Variants in ZC3H13 observed in about 807,000 individuals in gnomAD.
The protein encoded by ZC3H13 is zinc finger CCCH-type containing 13.
A neutral mutation model predicts 204.1 loss-of-function variants in ZC3H13; 64 were observed. The ratio of observed to expected loss-of-function variants is 0.31; its 90% CI spans 0.26 to 0.39. The LOEUF is 0.39. ZC3H13 is among the 10% of genes least tolerant of loss of function. The pLI is 1.00. For synonymous variants in ZC3H13, 667 were observed against 693.7 expected, an observed-to-expected ratio of 0.96 and a Z score of 0.60; for missense variants, 1,833 against 2,082.7, an observed-to-expected ratio of 0.88 and a Z score of 2.33.
rs148720994 is a variant in ZC3H13, at chr13:45,967,892, G to C, written c.3933C>G (p.Arg1311=). 3.1e-6 allele frequency: 5 copies of C among 1,613,332 alleles called. No homozygotes were observed. Among genetic ancestry groups the C allele is most frequent in the Non-Finnish European group, 3.4e-6 (4 of 1,179,832 alleles). The change falls in exon 15 of 19, where the codon CGC becomes CGG. Residue 1311 remains arginine, a synonymous_variant. Coordinates refer to ENST00000679008, the MANE Select transcript of ZC3H13 (RefSeq NM_001330564.2). ...GCCTCGTATCTCTCCTCTCTCTCTC[G>C]CGCTCTCTGTCGTGTTCATATCGAT... The part of the protein sequence containing the change: ...ERDRYEHDRE[R]ERERRDTRQR...
chr13:46,021,908 A>G (rs1293136139), intron 4 of ZC3H13, among the ~76,000 whole-genome samples: 2 of 151,992 alleles, frequency 1.3e-5, no homozygotes, highest in Non-Finnish European at 2.9e-5. Flanking sequence ...ATTACTGAAT[A>G]ACTATACCAA....
intron 4 of ZC3H13, among the ~76,000 whole-genome samples, chr13:46,024,978 C>T (rs1257999032): frequency 1.3e-5 from 2 of 152,148 alleles, no homozygotes; most frequent in African/African-American, 4.8e-5. Context: ...TATAATCACA[C>T]CTCTTATATT....
Position 45,985,449 on chromosome 13 carries a change from G to A in ZC3H13, c.1568C>T (p.Pro523Leu), listed in dbSNP as rs1267724846. Reference sequence around the variant, plus strand: ...TCGGCCATAACTCCGGGATTCTTCTGGATATGTATCCTCCTTTCGATGAGT... The same window carrying A: ...TCGGCCATAACTCCGGGATTCTTCTAGATATGTATCCTCCTTTCGATGAGT... ...RDTHRKEDTY[P>L]EESRSYGRNH... Residue 523 changes from proline to leucine, a missense_variant, in exon 10 of 19, where the codon CCA becomes CTA. Transcript: ENST00000679008. The A allele has an allele frequency of 1.2e-6, 2 of 1,614,180 alleles. No individual in the cohort carries two copies. The highest frequency in any genetic ancestry group is 1.7e-6 in the Non-Finnish European group (2 of 1,180,030).
In ZC3H13 at chr13:46,020,577, C is replaced by G. The variant is rs377003920; in HGVS notation, c.340-20G>C. 3.5e-5 allele frequency: 51 copies of G among 1,476,528 alleles called. No homozygotes were observed. In the Middle Eastern group the frequency reaches 7.1e-4, roughly 21 times the overall value. 91.5% of individuals were successfully genotyped at this position (1,476,528 alleles called of 1,614,324 possible). Reference sequence around the variant, plus strand: ...TTCTTTCTAAAAAAGTACATACATACATTCAGATTACTATATTTTTAAAAA... The same window carrying G: ...TTCTTTCTAAAAAAGTACATACATAGATTCAGATTACTATATTTTTAAAAA... On this transcript the variant is annotated intron_variant, in intron 4 of 18. Coordinates refer to ENST00000679008, the MANE Select transcript of ZC3H13 (RefSeq NM_001330564.2).
At chr13:45,962,713 T>C in intron 17 of ZC3H13, 1 of 982,234 alleles carries the variant, frequency 1.0e-6, no homozygotes, top group Non-Finnish European at 1.2e-6. Context: ...AACAATATTT[T>C]TTTATTTTGT....
chr13:45,974,780 G>A (rs1952877846), intron 12 of ZC3H13, among the ~76,000 whole-genome samples: 2 of 152,132 alleles, frequency 1.3e-5, no homozygotes, highest in African/African-American at 4.8e-5. Context: ...GACTAGTCTA[G>A]GGGATGTGAT....
chr13:46,006,010 G>T (rs142670359), intron 7 of ZC3H13, among the ~76,000 whole-genome samples: 1 of 151,088 alleles, frequency 6.6e-6, no homozygotes, highest in African/African-American at 2.4e-5. Flanking sequence ...CAGAAGAACC[G>T]CTTGAACCCA....
chr13:46,034,407 T>C (rs2043086559), intron 4 of ZC3H13, among the ~76,000 whole-genome samples: 1 of 152,222 alleles, frequency 6.6e-6, no homozygotes. Context: ...GGAGAATGGC[T>C]AAACAAATTT....
chr13:45,964,352 T>C (rs1951913324), intron 16 of ZC3H13, among the ~76,000 whole-genome samples: 1 of 152,226 alleles, frequency 6.6e-6, no homozygotes, highest in South Asian at 2.1e-4. Flanking sequence ...GGTCTGATCT[T>C]TTGAAACTTG....
At chr13:45,962,990 A>G (rs763358784) in intron 17 of ZC3H13, 1 of 985,502 alleles carries the variant, frequency 1.0e-6, no homozygotes, top group Non-Finnish European at 1.2e-6. Flanking sequence ...AAATTGCTGC[A>G]GTGAGGTCAA....
chr13:46,052,460 T>C lies in ZC3H13; in HGVS notation c.-66A>G, dbSNP rs1007345190. 6 of 397,818 alleles carry C rather than the reference T, an allele frequency of 1.5e-5. No homozygotes were observed. Among genetic ancestry groups the C allele is most frequent in the Non-Finnish European group, 2.7e-5 (6 of 225,934 alleles). 24.6% of individuals were successfully genotyped at this position (397,818 alleles called of 1,614,324 possible). On this transcript the variant is annotated 5_prime_UTR_variant, in exon 1 of 19. Coordinates refer to ENST00000679008, the MANE Select transcript of ZC3H13 (RefSeq NM_001330564.2). ...CCGGAGGCACCACCGCCGCCGCCGC[T>C]CCGAGGAGCGGGGGAGGCGACTCTG...
chr13:46,047,746 A>G (rs2044075571), intron 1 of ZC3H13, among the ~76,000 whole-genome samples: 1 of 152,246 alleles, frequency 6.6e-6, no homozygotes, highest in Non-Finnish European at 1.5e-5. Flanking sequence ...TGAGAAAAAC[A>G]TAAAGTTTCA....
rs755342960 is a variant in ZC3H13, at chr13:45,967,697, G to C, written c.4128C>G (p.Asp1376Glu). 1.2e-6 allele frequency: 2 copies of C among 1,613,928 alleles called. No individual in the cohort carries two copies. Among genetic ancestry groups the C allele is most frequent in the South Asian group, 2.2e-5 (2 of 91,064 alleles). ...SVERDRDRDR[D>E]RTFESSQIES... ...CTATTTGAGAACTCTCAAAAGTTCT[G>C]TCTCTGTCTCTGTCCCTGTCCCTTT... The change falls in exon 15 of 19, where the codon GAC (aspartate) becomes GAG (glutamate). Residue 1376 changes from aspartate (D) to glutamate (E), a missense_variant. Physicochemically the swap from Asp to Glu is conservative, Grantham distance 45 (BLOSUM62 2). Coordinates refer to ENST00000679008, the MANE Select transcript of ZC3H13 (RefSeq NM_001330564.2).
chr13:45,975,775 C>T lies in ZC3H13; in HGVS notation c.1976G>A (p.Arg659Lys). 6.2e-7 allele frequency: 1 copy of T among 1,613,978 alleles called. No homozygotes were observed. Among genetic ancestry groups the T allele is most frequent in the Non-Finnish European group, 8.5e-7 (1 of 1,179,916 alleles). The part of the protein sequence containing the change: ...GRNDELERDE[R>K]REERRVDRVD... ...TCTGTCTACTCTTCGTTCCTCTCTTCTTTCATCACGCTCAAGCTCGTCATT... is the reference window on the plus strand; with the variant it reads ...TCTGTCTACTCTTCGTTCCTCTCTTTTTTCATCACGCTCAAGCTCGTCATT... Residue 659 changes from arginine (R) to lysine (K), a missense_variant, in exon 12 of 19, where the codon AGA becomes AAA. Arg to Lys is a conservative substitution (Grantham distance 26). Coordinates refer to ENST00000679008, the MANE Select transcript of ZC3H13 (RefSeq NM_001330564.2).
At chr13:46,011,603 G>T (rs1271558744) in intron 5 of ZC3H13, 49 bp from the exon 6 acceptor site, 3 of 1,433,082 alleles carry the variant, frequency 2.1e-6, no homozygotes, top group South Asian at 1.4e-5. Context: ...AATTATCTAT[G>T]CCAAAAATCA....
At chr13:45,970,303 T>C in intron 13 of ZC3H13, 59 bp downstream of exon 13, 4 of 1,558,806 alleles carry the variant, frequency 2.6e-6, no homozygotes, top group East Asian at 2.3e-5. Flanking sequence ...TATGAAAGGA[T>C]GGTTTCATGG....
At chr13:46,011,375 C>T (rs1418128565) in intron 6 of ZC3H13, 40 bp downstream of exon 6, 1 of 1,547,494 alleles carries the variant, frequency 6.5e-7, no homozygotes, top group Non-Finnish European at 8.7e-7. Context: ...ACAAATGCTG[C>T]TATTAAGTAC....
At chr13:46,021,383 G>A (rs1197400189) in intron 4 of ZC3H13, among the ~76,000 whole-genome samples, 3 of 151,860 alleles carry the variant, frequency 2.0e-5, no homozygotes, top group Admixed American at 6.6e-5. Flanking sequence ...AGTAACCAGT[G>A]TTATATAATT....
chr13:46,004,240 T>C (rs1242153956), intron 7 of ZC3H13, among the ~76,000 whole-genome samples: 2 of 152,006 alleles, frequency 1.3e-5, no homozygotes, highest in Non-Finnish European at 2.9e-5. Context: ...TGTGAGCATC[T>C]TTCTGTAACA....
Sources: gnomAD v4.1 joint callset for allele counts (sites outside exome capture counted in the v4.1 genomes callset) on GRCh38, gnomAD v4.1.1 for gene constraint, MANE v1.5 for transcripts, NCBI Gene and HGNC (gene_info 2026-07-23, HGNC 2026-07-21) for gene names.